Variants in KRT39 observed in about 807,000 individuals in gnomAD.
KRT39 encodes the protein keratin 39.
A neutral mutation model predicts 54.8 loss-of-function variants in KRT39; 47 were observed. The observed-to-expected ratio is 0.86, with a 90% CI of 0.68 to 1.09. The LOEUF (loss-of-function observed/expected upper bound fraction) is 1.09. KRT39 is among the 50% of genes least tolerant of loss of function. The probability of loss-of-function intolerance (pLI) is 0.00; values close to 1 mark genes in which losing one functional copy is unlikely to be tolerated. For missense variants in KRT39, 580 were observed against 598.5 expected, an observed-to-expected ratio of 0.97 and a Z score of 0.32; for synonymous variants, 207 against 227.9, an observed-to-expected ratio of 0.91 and a Z score of 0.83.
In KRT39 at chr17:40,958,533, C is replaced by G; in HGVS notation, c.*68G>C. The stretch of plus-strand genomic sequence containing the variant: ...TAAGGGACTGGGGAGTTTTCTTAAA[C>G]CTCTCTGGCAGGAGCATGTATTGGC... On this transcript the variant is annotated 3_prime_UTR_variant, in exon 7 of 7. Transcript: ENST00000355612. 6.6e-7 allele frequency: 1 copy of G among 1,521,104 alleles called. No homozygotes were observed. The highest frequency in any genetic ancestry group is 8.8e-7 in the Non-Finnish European group (1 of 1,134,972). The allele number at this position is 1,521,104 out of a possible 1,614,324, so 94.2% of individuals were successfully genotyped here. A position where few individuals can be genotyped will look rare whatever the true frequency, so the allele number is the denominator to read the frequency against.
At chr17:40,960,182 A>G (rs910876808) in intron 6 of KRT39, 99 bp downstream of exon 6, 26 of 989,512 alleles carry the variant, frequency 2.6e-5, no homozygotes, top group Non-Finnish European at 3.9e-5. Flanking sequence ...ACTGGCAAGA[A>G]GGTCAAACAA....
chr17:40,962,573 G>C lies in KRT39; in HGVS notation c.709-10C>G, dbSNP rs745578435. 1 of 1,607,432 alleles carries C rather than the reference G, an allele frequency of 6.2e-7. No individual in the cohort carries two copies. The highest frequency in any genetic ancestry group is 8.5e-7 in the Non-Finnish European group (1 of 1,177,874). ...GTAAAGAATTGATTTCCTAAGGAAA[G>C]AAAAAGACTGTGAAGTCACTTGGTG... On this transcript the variant is annotated splice_polypyrimidine_tract_variant and intron_variant, in intron 3 of 6. Transcript: ENST00000355612.
chr17:40,966,941 A>C lies in KRT39; in HGVS notation c.-85T>G. On this transcript the variant is annotated 5_prime_UTR_variant, in exon 1 of 7. Coordinates refer to ENST00000355612, the MANE Select transcript of KRT39 (RefSeq NM_213656.4). ...CCACCTCCACAGAGTCTGAATTCCA[A>C]GGCTCTTGGTGTTTTCCTCTTTGAA... is the stretch of plus-strand genomic sequence containing the variant. 1 of 959,978 alleles carries C rather than the reference A, an allele frequency of 1.0e-6. No homozygotes were observed. The highest frequency in any genetic ancestry group is 1.6e-6 in the Non-Finnish European group (1 of 610,216). The allele number at this position is 959,978 out of a possible 1,614,324, so 59.5% of individuals were successfully genotyped here.
At chr17:40,962,028 T>A (rs1340388298) in intron 5 of KRT39, 134 bp downstream of exon 5, 8 of 1,272,850 alleles carry the variant, frequency 6.3e-6, no homozygotes, top group Admixed American at 4.8e-5. Context: ...ACAAAGCTCT[T>A]TTTCAGCCAT....
Position 40,962,153 on chromosome 17 carries a change from G to C in KRT39, c.996+9C>G. On this transcript the variant is annotated intron_variant, in intron 5 of 6. Coordinates refer to ENST00000355612, the MANE Select transcript of KRT39 (RefSeq NM_213656.4). ...TTGCTGAGCTAGGCTTGGTCAGCTT[G>C]CTCAGTACCATTCGATGCTGGGCCT... 2 of 1,613,962 alleles carry C rather than the reference G, an allele frequency of 1.2e-6. No individual in the cohort carries two copies. Among genetic ancestry groups the C allele is most frequent in the Non-Finnish European group, 1.7e-6 (2 of 1,179,900 alleles).
At chr17:40,959,879 A>G (rs962047533) in intron 6 of KRT39, among the ~76,000 whole-genome samples, 1 of 152,218 alleles carries the variant, frequency 6.6e-6, no homozygotes, top group Non-Finnish European at 1.5e-5. Flanking sequence ...ATGTTCCTCC[A>G]AAGGAGCCTG....
chr17:40,962,656 G>T, intron 3 of KRT39, 93 bp from the exon 4 acceptor site: 2 of 1,088,658 alleles, frequency 1.8e-6, no homozygotes, highest in African/African-American at 1.6e-5. Context: ...TAGCTTAATT[G>T]TGTCTAAAAT....
Position 40,964,526 on chromosome 17 carries a change from G to T in KRT39, c.471C>A (p.Ile157=). Residue 157 remains isoleucine, a splice_region_variant and synonymous_variant, in exon 2 of 7, where the codon ATC becomes ATA. Transcript: ENST00000355612. ...TGGAATTCTCGGCCTTGGTACACAA[G>T]ATCTAGAATTAAGAGATTGTACACA... ...YTTIEELQQK[I]LCTKAENSRL... is the part of the protein sequence containing the mutation. 6.2e-7 allele frequency: 1 copy of T among 1,604,304 alleles called. No individual in the cohort carries two copies. The highest frequency in any genetic ancestry group is 1.1e-5 in the South Asian group (1 of 90,880).
chr17:40,963,739 G>A lies in KRT39; in HGVS notation c.596C>T (p.Ala199Val), dbSNP rs745952372. 2 of 1,606,704 alleles carry A rather than the reference G, an allele frequency of 1.2e-6. No individual in the cohort carries two copies. The highest frequency in any genetic ancestry group is 1.7e-4 in the Middle Eastern group (1 of 6,032). ...ATTCAGGATCTGCTTGAGGCCATTG[G>A]CATCTGACTCTACCAGCTGGCGTAG... ...VSLRQLVESD[A>V]NGLKQILNVL... The change falls in exon 3 of 7, where the codon GCC becomes GTC. Residue 199 changes from alanine (A) to valine (V), a missense_variant. Transcript: ENST00000355612.
At position 40,964,566 on chromosome 17, in the gene KRT39, A is replaced by G. The variant is rs765283531; in HGVS notation, c.469-38T>C. On this transcript the variant is annotated intron_variant, in intron 1 of 6. Coordinates refer to ENST00000355612, the MANE Select transcript of KRT39 (RefSeq NM_213656.4). ...GATTGTACACACAAATGAAGCAAACACCAAGATTTCCTTCTTTAAGAACCA... is the reference window on the plus strand; with the variant it reads ...GATTGTACACACAAATGAAGCAAACGCCAAGATTTCCTTCTTTAAGAACCA... 7.1e-6 allele frequency: 10 copies of G among 1,401,328 alleles called. No homozygotes were observed. The South Asian group carries it at 1.2e-4, about 16-fold the overall frequency. The allele number at this position is 1,401,328 out of a possible 1,614,324, so 86.8% of individuals were successfully genotyped here. A position where few individuals can be genotyped will look rare whatever the true frequency, so the allele number is the denominator to read the frequency against.
At chr17:40,960,213 A>T in intron 6 of KRT39, 68 bp downstream of exon 6, 1 of 1,375,100 alleles carries the variant, frequency 7.3e-7, no homozygotes, top group Non-Finnish European at 1.0e-6. Context: ...CCCTGTTGCC[A>T]GTGGCAGTAC....
At position 40,966,777 on chromosome 17, in the gene KRT39, G is replaced by C. The variant is rs1235813920; in HGVS notation, c.80C>G (p.Thr27Ser). The C allele has an allele frequency of 1.5e-5, 25 of 1,614,040 alleles. No individual in the cohort carries two copies. In the Admixed American group the frequency reaches 4.2e-4, roughly 27 times the overall value. Residue 27 changes from threonine to serine, a missense_variant, in exon 1 of 7, where the codon ACC (threonine) becomes AGC (serine). Physicochemically the swap from Thr to Ser is moderately conservative, Grantham distance 58 (BLOSUM62 1). Transcript: ENST00000355612. Reference sequence around the variant, plus strand: ...ATGGCAGCCGTTGTTAGAAGAGATGGTACTAACATTTGTAATCCTAGAGCA... The same window carrying C: ...ATGGCAGCCGTTGTTAGAAGAGATGCTACTAACATTTGTAATCCTAGAGCA... ...QNCSRITNVS[T>S]ISSNNGCHPG...
Position 40,966,575 on chromosome 17 carries a change from A to G in KRT39, c.282T>C (p.Ser94=). Residue 94 remains serine, a synonymous_variant, in exon 1 of 7, where the codon AGT becomes AGC. Transcript: ENST00000355612. The part of the protein sequence containing the change: ...DCSWYGEGIN[S]NEKETMQILN... ...AGATTTGCATGGTCTCCTTCTCATT[A>G]CTGTTGATGCCTTCACCATACCAGC... 6.2e-7 allele frequency: 1 copy of G among 1,614,206 alleles called. No homozygotes were observed. Among genetic ancestry groups the G allele is most frequent in the South Asian group, 1.1e-5 (1 of 91,086 alleles).
rs868774363 is a variant in KRT39, at chr17:40,965,043, A to T, written c.469-515T>A. Among the ~76,000 whole-genome samples, 684 of 137,234 alleles carry T rather than the reference A, an allele frequency of 5.0e-3. 2 individuals carry two copies. Among genetic ancestry groups the T allele is most frequent in the African/African-American group, 0.021 (641 of 30,750 alleles). 90.0% of individuals were successfully genotyped at this position (137,234 alleles called of 152,430 possible). A position where few individuals can be genotyped will look rare whatever the true frequency, so the allele number is the denominator to read the frequency against. ...AACCCCGTCTCTACTAAAAATATAA[A>T]AAAAAAAAAAATTAGCTGGGCGTGG... On this transcript the variant is annotated intron_variant, in intron 1 of 6. Coordinates refer to ENST00000355612, the MANE Select transcript of KRT39 (RefSeq NM_213656.4).
chr17:40,959,954 C>T (rs150065305), intron 6 of KRT39, among the ~76,000 whole-genome samples: 1 of 152,226 alleles, frequency 6.6e-6, no homozygotes, highest in East Asian at 1.9e-4. Flanking sequence ...CTGTAATGGT[C>T]ACCAGGAATA....
chr17:40,965,790 G>A (rs1258344517), intron 1 of KRT39, among the ~76,000 whole-genome samples: 1 of 152,124 alleles, frequency 6.6e-6, no homozygotes, highest in Non-Finnish European at 1.5e-5. Flanking sequence ...TTAAAAAATG[G>A]CAACAACTTG....
chr17:40,964,544 T>G lies in KRT39; in HGVS notation c.469-16A>C. ...TACACAAGATCTAGAATTAAGAGATTGTACACACAAATGAAGCAAACACCA... is the reference window on the plus strand; with the variant it reads ...TACACAAGATCTAGAATTAAGAGATGGTACACACAAATGAAGCAAACACCA... On this transcript the variant is annotated splice_polypyrimidine_tract_variant and intron_variant, in intron 1 of 6. Coordinates refer to ENST00000355612, the MANE Select transcript of KRT39 (RefSeq NM_213656.4). The G allele has an allele frequency of 6.4e-7, 1 of 1,560,880 alleles. No homozygotes were observed. Among genetic ancestry groups the G allele is most frequent in the Non-Finnish European group, 8.8e-7 (1 of 1,131,310 alleles).
At chr17:40,958,965 G>C (rs1231935760) in intron 6 of KRT39, 106 bp from the exon 7 acceptor site, 1 of 983,868 alleles carries the variant, frequency 1.0e-6, no homozygotes, top group Non-Finnish European at 1.5e-6. Context: ...CTCAAGACAA[G>C]TACATACTTC....
chr17:40,959,555 A>G (rs1911052526), intron 6 of KRT39, among the ~76,000 whole-genome samples: 1 of 152,252 alleles, frequency 6.6e-6, no homozygotes, highest in Non-Finnish European at 1.5e-5. Flanking sequence ...AGGTGACAGC[A>G]TTGATGACCA....
Sources: gnomAD v4.1 joint callset for allele counts (sites outside exome capture counted in the v4.1 genomes callset) on GRCh38, gnomAD v4.1.1 for gene constraint, MANE v1.5 for transcripts, NCBI Gene and HGNC (gene_info 2026-07-23, HGNC 2026-07-21) for gene names.